The following CSMD1 variants were observed in gnomAD, a reference collection of about 807,000 sequenced individuals.
CSMD1 encodes the protein CUB and Sushi multiple domains 1, also known as CUB and sushi domain-containing protein 1.
In CSMD1, 213 loss-of-function variants were observed where a neutral mutation model predicts 417.5. The ratio of observed to expected loss-of-function variants is 0.51; its 90% CI spans 0.46 to 0.57. The LOEUF (loss-of-function observed/expected upper bound fraction) is 0.57. Ranked by LOEUF, CSMD1 falls within the 20% of genes least tolerant of loss-of-function variation. The pLI, the probability that CSMD1 is intolerant of heterozygous loss-of-function variation, is 0.00. For synonymous variants in CSMD1, 2,862 were observed against 1,736.8 expected, an observed-to-expected ratio of 1.65 and a Z score of -16.11; for missense variants, 6,923 against 4,529.7, an observed-to-expected ratio of 1.53 and a Z score of -15.17.
chr8:4,713,817 T>G (rs1219187806), intron 1 of CSMD1, among the ~76,000 whole-genome samples: 2 of 152,154 alleles, frequency 1.3e-5, no homozygotes, highest in South Asian at 2.1e-4. Flanking sequence ...CTAATCTGCA[T>G]GCTTTCTTCT....
chr8:4,446,463 A>G (rs904512211), intron 2 of CSMD1, among the ~76,000 whole-genome samples: 2 of 152,096 alleles, frequency 1.3e-5, no homozygotes, highest in Non-Finnish European at 2.9e-5. Flanking sequence ...TGGGACGATC[A>G]CCGAACTTGG....
At chr8:3,742,247 G>C (rs1358560314) in intron 6 of CSMD1, among the ~76,000 whole-genome samples, 3 of 152,058 alleles carry the variant, frequency 2.0e-5, no homozygotes, top group African/African-American at 7.2e-5. Flanking sequence ...TTCTCACCTA[G>C]ACATTTTATT....
intron 12 of CSMD1, among the ~76,000 whole-genome samples, chr8:3,462,998 A>G (rs561022241): frequency 6.6e-6 from 1 of 152,338 alleles, no homozygotes; most frequent in Non-Finnish European, 1.5e-5. Flanking sequence ...CCACCACGTG[A>G]GGACACAGTG....
chr8:4,584,116 C>T (rs1244494310), intron 2 of CSMD1, among the ~76,000 whole-genome samples: 5 of 152,052 alleles, frequency 3.3e-5, no homozygotes, highest in Non-Finnish European at 7.4e-5. Context: ...AAACTCTGAA[C>T]ACATCCGAAC....
chr8:4,965,880 T>C (rs1809824081), intron 1 of CSMD1, among the ~76,000 whole-genome samples: 1 of 152,058 alleles, frequency 6.6e-6, no homozygotes, highest in Non-Finnish European at 1.5e-5. Flanking sequence ...AAGATATATA[T>C]TTACATAAGT....
intron 5 of CSMD1, among the ~76,000 whole-genome samples, chr8:3,985,801 A>T (rs1397397052): frequency 2.0e-5 from 3 of 149,056 alleles, no homozygotes; most frequent in African/African-American, 7.4e-5. Context: ...TGTCGCCCAG[A>T]TTGGACAGGG....
intron 10 of CSMD1, among the ~76,000 whole-genome samples, chr8:3,518,216 A>G (rs116458757): frequency 0.011 from 1,619 of 152,276 alleles, 26 homozygotes; most frequent in African/African-American, 0.037. Context: ...TTATTTTTTA[A>G]TCTTTTTGTA....
At chr8:4,062,511 G>A (rs540694510) in intron 3 of CSMD1, among the ~76,000 whole-genome samples, 2 of 152,256 alleles carry the variant, frequency 1.3e-5, no homozygotes, top group East Asian at 1.9e-4. Flanking sequence ...TCTAAGTGGG[G>A]AAATGTATTT....
chr8:4,053,014 T>C lies in CSMD1; in HGVS notation c.416-20915A>G, dbSNP rs190890733. On this transcript the variant is annotated intron_variant, in intron 3 of 69. Transcript: ENST00000635120. ...CAGCTAAAGAAGTGGCCTTATACTT[T>C]AGCAAAGGGTAACAATTGGTACCTC... Among the ~76,000 whole-genome samples the C allele has an allele frequency of 5.5e-4, 84 of 152,232 alleles. 1 individual carries two copies. The East Asian group carries it at 0.013, about 24-fold the overall frequency.
intron 3 of CSMD1, among the ~76,000 whole-genome samples, chr8:4,121,026 G>C (rs546154939): frequency 1.3e-5 from 2 of 152,246 alleles, no homozygotes; most frequent in East Asian, 3.9e-4. Context: ...AAACATACTA[G>C]TTTAGTAGTC....
chr8:3,695,083 C>A (rs1438533472), intron 7 of CSMD1, among the ~76,000 whole-genome samples: 1 of 39,042 alleles, frequency 2.6e-5, no homozygotes, highest in African/African-American at 9.2e-5. Flanking sequence ...AATTGGAGGC[C>A]CTGCGTGTGT....
intron 5 of CSMD1, among the ~76,000 whole-genome samples, chr8:3,983,200 A>G (rs940192337): frequency 1.4e-4 from 21 of 146,270 alleles, no homozygotes; most frequent in South Asian, 4.3e-4. Flanking sequence ...GCGCGATCTC[A>G]GCTCACTGCA....
chr8:3,794,939 T>C (rs1393831834), intron 5 of CSMD1, among the ~76,000 whole-genome samples: 3 of 152,036 alleles, frequency 2.0e-5, no homozygotes, highest in East Asian at 1.9e-4. Flanking sequence ...CCTTCTAATG[T>C]ATAGCTATAG....
At chr8:4,769,485 T>C (rs1482460089) in intron 1 of CSMD1, among the ~76,000 whole-genome samples, 1 of 152,212 alleles carries the variant, frequency 6.6e-6, no homozygotes, top group African/African-American at 2.4e-5. Context: ...TATGTATTAA[T>C]ATAACATTTG....
intron 5 of CSMD1, among the ~76,000 whole-genome samples, chr8:3,925,943 A>G (rs780118900): frequency 6.6e-6 from 1 of 151,782 alleles, no homozygotes; most frequent in African/African-American, 2.4e-5. Context: ...GCCAAGCAGT[A>G]AAGGCTTTTC....
chr8:4,924,956 G>C (rs115272996), intron 1 of CSMD1, among the ~76,000 whole-genome samples: 1 of 152,008 alleles, frequency 6.6e-6, no homozygotes, highest in East Asian at 1.9e-4. Context: ...TGCAACGGAA[G>C]AATCTTTGCA....
intron 1 of CSMD1, among the ~76,000 whole-genome samples, chr8:4,876,672 C>T (rs927053346): frequency 2.0e-5 from 3 of 151,954 alleles, no homozygotes; most frequent in South Asian, 2.1e-4. Context: ...TTTTAAGTGC[C>T]GTTAGGTGCA....
At chr8:4,779,951 G>A (rs960638147) in intron 1 of CSMD1, among the ~76,000 whole-genome samples, 15 of 150,810 alleles carry the variant, frequency 9.9e-5, no homozygotes, top group African/African-American at 3.2e-4. Context: ...CCTTACTTTG[G>A]CCAAATGATT....
intron 5 of CSMD1, among the ~76,000 whole-genome samples, chr8:3,943,060 G>C (rs900488143): frequency 7.9e-5 from 12 of 152,136 alleles, no homozygotes; most frequent in African/African-American, 2.4e-4. Flanking sequence ...GAAGATAAAT[G>C]CAATAAAATC....
Sources: gnomAD v4.1 joint callset for allele counts (sites outside exome capture counted in the v4.1 genomes callset) on GRCh38, gnomAD v4.1.1 for gene constraint, MANE v1.5 for transcripts, NCBI Gene and HGNC (gene_info 2026-07-23, HGNC 2026-07-21) for gene names.